Variants in LPP observed in about 807,000 individuals in gnomAD.
The protein encoded by LPP is lipoma-preferred partner.
A neutral mutation model predicts 60.4 loss-of-function variants in LPP; 38 were observed. That is an observed-to-expected ratio of 0.63 (90% CI 0.49 to 0.83). The LOEUF (loss-of-function observed/expected upper bound fraction) is 0.83, where lower values mean the gene tolerates loss of function less well. Ranked by LOEUF, LPP falls within the 40% of genes least tolerant of loss-of-function variation. The pLI, the probability that LPP is intolerant of heterozygous loss-of-function variation, is 0.00. For missense variants in LPP, 902 were observed against 783.6 expected, an observed-to-expected ratio of 1.15 and a Z score of -1.80; for synonymous variants, 328 against 290.8, an observed-to-expected ratio of 1.13 and a Z score of -1.30.
intron 3 of LPP, among the ~76,000 whole-genome samples, chr3:188,370,157 A>G (rs1219373256): frequency 6.6e-6 from 1 of 151,992 alleles, no homozygotes; most frequent in Non-Finnish European, 1.5e-5. Flanking sequence ...TGAACTCCTG[A>G]CCTCTTGATT....
At chr3:188,582,432 C>T (rs147571632) in intron 6 of LPP, among the ~76,000 whole-genome samples, 6 of 152,068 alleles carry the variant, frequency 3.9e-5, no homozygotes, top group African/African-American at 1.2e-4. Context: ...CCACCCACCT[C>T]GGCCTCCCAA....
At chr3:188,742,438 A>G (rs1724782976) in intron 8 of LPP, among the ~76,000 whole-genome samples, 1 of 152,278 alleles carries the variant, frequency 6.6e-6, no homozygotes, top group South Asian at 2.1e-4. Flanking sequence ...TATTTATACA[A>G]TGAAAGATGA....
rs565190931 is a variant in LPP at position 188,779,424 on chromosome 3, G to A, written c.1410+19142G>A. The stretch of plus-strand genomic sequence containing the variant: ...GGCAGAAGCTCACTGAATAGCACAC[G>A]CAAGGACCCTTCAAACTCATCACAT... On this transcript the variant is annotated intron_variant, in intron 9 of 11. Coordinates refer to ENST00000617246, the MANE Select transcript of LPP (RefSeq NM_001375462.1). 4.3e-4 allele frequency among the ~76,000 whole-genome samples: 66 copies of A among 152,236 alleles called. 1 individual carries two copies. The highest frequency in any genetic ancestry group is 1.9e-4 in the East Asian group (1 of 5,172).
In LPP at chr3:188,772,996, TTGAAG is replaced by T. The variant is rs1051632481; in HGVS notation, c.1410+12715_1410+12719del. On this transcript the variant is annotated intron_variant, in intron 9 of 11. Coordinates refer to ENST00000617246, the MANE Select transcript of LPP (RefSeq NM_001375462.1). ...ATTGCTGAAATGTAAATATCAAAGA[TTGAAG>T]GGAAAGATGTGAGAGTGAAGCCAGC... Among the ~76,000 whole-genome samples, 3 of 152,146 alleles carry T rather than the reference TTGAAG, an allele frequency of 2.0e-5. No individual in the cohort carries two copies. The East Asian group carries it at 5.8e-4, about 29-fold the overall frequency.
intron 4 of LPP, among the ~76,000 whole-genome samples, chr3:188,475,370 G>A (rs937093894): frequency 1.2e-4 from 18 of 152,136 alleles, no homozygotes; most frequent in African/African-American, 4.1e-4. Flanking sequence ...AAAATTAAAC[G>A]CTGGGTTTGA....
intron 5 of LPP, among the ~76,000 whole-genome samples, chr3:188,498,185 G>A (rs1456974288): frequency 6.6e-6 from 1 of 151,962 alleles, no homozygotes; most frequent in East Asian, 1.9e-4. Context: ...TAAAATTATG[G>A]TAAAATACAC....
At chr3:188,438,212 C>G (rs1243981869) in intron 4 of LPP, among the ~76,000 whole-genome samples, 2 of 152,068 alleles carry the variant, frequency 1.3e-5, no homozygotes, top group Non-Finnish European at 2.9e-5. Flanking sequence ...AATGTATGAC[C>G]AGTCATAGCT....
intron 2 of LPP, among the ~76,000 whole-genome samples, chr3:188,283,433 T>A (rs1742796922): frequency 6.6e-6 from 1 of 152,150 alleles, no homozygotes; most frequent in Non-Finnish European, 1.5e-5. Context: ...TTGGGAACAG[T>A]CCAGGGTCAG....
rs112352409 is a variant in LPP at position 188,811,967 on chromosome 3, T to C, written c.1410+51685T>C. 8.3e-4 allele frequency among the ~76,000 whole-genome samples: 126 copies of C among 152,220 alleles called. 1 individual carries two copies. The highest frequency in any genetic ancestry group is 3.0e-3 in the African/African-American group (123 of 41,548). ...GGGTATCCATCTCCCTTCAAGCATTTGTCCTTTGTGTTGCAGATCATTAGA... is the reference window on the plus strand; with the variant it reads ...GGGTATCCATCTCCCTTCAAGCATTCGTCCTTTGTGTTGCAGATCATTAGA... On this transcript the variant is annotated intron_variant, in intron 9 of 11. Transcript: ENST00000617246.
chr3:188,375,202 C>T (rs1774630242), intron 3 of LPP, among the ~76,000 whole-genome samples: 1 of 152,158 alleles, frequency 6.6e-6, no homozygotes, highest in African/African-American at 2.4e-5. Flanking sequence ...GCTTTGGTAT[C>T]AGGATGATGC....
intron 9 of LPP, among the ~76,000 whole-genome samples, chr3:188,839,331 G>C (rs1397758722): frequency 6.6e-6 from 1 of 152,138 alleles, no homozygotes; most frequent in East Asian, 1.9e-4. Context: ...CATTACTCTA[G>C]GTAGATTTCA....
In LPP at chr3:188,249,320, C is replaced by T. The variant is rs182056583; in HGVS notation, c.-67+23793C>T. Among the ~76,000 whole-genome samples the T allele has an allele frequency of 2.6e-5, 4 of 152,044 alleles. No individual in the cohort carries two copies. In the East Asian group the frequency reaches 7.8e-4, roughly 29 times the overall value. The stretch of plus-strand genomic sequence containing the variant: ...GCTGAGGTGGGAGGATCGATTGGGC[C>T]TGGGACATCAAGGCTGCCGTGAGCT... On this transcript the variant is annotated intron_variant, in intron 2 of 11. Transcript: ENST00000617246.
At chr3:188,582,045 C>A (rs946266273) in intron 6 of LPP, among the ~76,000 whole-genome samples, 1 of 152,036 alleles carries the variant, frequency 6.6e-6, no homozygotes, top group African/African-American at 2.4e-5. Context: ...TATTGCACAC[C>A]ACACTCTGTT....
At chr3:188,725,166 AG>A (rs1309222511) in intron 8 of LPP, 1 of 152,112 alleles carries the variant, frequency 6.6e-6, no homozygotes, top group East Asian at 1.9e-4. Flanking sequence ...TCTAAAGAAA[AG>A]TTTCGTTGTG....
In LPP at chr3:188,312,097, T is replaced by C. The variant is rs114011679; in HGVS notation, c.-66-29566T>C. Among the ~76,000 whole-genome samples the C allele has an allele frequency of 6.7e-3, 1,017 of 152,356 alleles. 15 individuals carry two copies. The highest frequency in any genetic ancestry group is 0.024 in the African/African-American group (988 of 41,588). The stretch of plus-strand genomic sequence containing the variant: ...CCCAGAGGAAAGTATAAGTTCTTTA[T>C]ATATCCTTTTAGAAATAAACTGGGT... On this transcript the variant is annotated intron_variant, in intron 2 of 11. Transcript: ENST00000617246.
intron 6 of LPP, among the ~76,000 whole-genome samples, chr3:188,598,933 A>G (rs1840517608): frequency 6.6e-6 from 1 of 152,020 alleles, no homozygotes; most frequent in South Asian, 2.1e-4. Context: ...TTTTCACTAA[A>G]CCCCTGGCCT....
At chr3:188,795,299 T>C (rs572791296) in intron 9 of LPP, among the ~76,000 whole-genome samples, 4 of 152,336 alleles carry the variant, frequency 2.6e-5, no homozygotes, top group South Asian at 2.1e-4. Flanking sequence ...GCAAACACAT[T>C]TTTAAATCTC....
rs1041793458 is a variant in LPP at position 188,202,158 on chromosome 3, C to T, written c.-189-23247C>T. ...TGGAGCAGGTCCTTGAGAGCAGAAA[C>T]GTAGCCTCGTCTTGGCACCATGCAT... On this transcript the variant is annotated intron_variant, in intron 1 of 11. Coordinates refer to ENST00000617246, the MANE Select transcript of LPP (RefSeq NM_001375462.1). Among the ~76,000 whole-genome samples the T allele has an allele frequency of 2.6e-5, 4 of 151,774 alleles. No homozygotes were observed. The East Asian group carries it at 5.8e-4, about 22-fold the overall frequency.
chr3:188,363,538 A>G (rs1770148142), intron 3 of LPP, among the ~76,000 whole-genome samples: 1 of 152,046 alleles, frequency 6.6e-6, no homozygotes, highest in Admixed American at 6.5e-5. Context: ...TTACCCTTAC[A>G]TTTTCCTAGG....
Sources: gnomAD v4.1 joint callset for allele counts (sites outside exome capture counted in the v4.1 genomes callset) on GRCh38, gnomAD v4.1.1 for gene constraint, MANE v1.5 for transcripts, NCBI Gene and HGNC (gene_info 2026-07-23, HGNC 2026-07-21) for gene names.